The following LRMDA variants were observed in gnomAD, a reference collection of about 807,000 sequenced individuals.
LRMDA encodes the protein leucine-rich melanocyte differentiation-associated protein.
In LRMDA, 18 loss-of-function variants were observed where a neutral mutation model predicts 29.8. The observed-to-expected ratio is 0.60, with a 90% CI of 0.42 to 0.90. LRMDA has a LOEUF of 0.90. Ranked by LOEUF, LRMDA falls within the 40% of genes least tolerant of loss-of-function variation. The pLI, the probability that LRMDA is intolerant of heterozygous loss-of-function variation, is 0.00. For missense variants in LRMDA, 273 were observed against 273.9 expected, an observed-to-expected ratio of 1.00 and a Z score of 0.02; for synonymous variants, 125 against 109.4, an observed-to-expected ratio of 1.14 and a Z score of -0.89.
chr10:76,337,618 G>A (rs756035608), intron 6 of LRMDA, among the ~76,000 whole-genome samples: 2 of 152,134 alleles, frequency 1.3e-5, no homozygotes. Context: ...GGTAGATGAA[G>A]CCAGAACAAT....
At chr10:76,443,393 G>T (rs1364208955) in intron 6 of LRMDA, among the ~76,000 whole-genome samples, 2 of 152,190 alleles carry the variant, frequency 1.3e-5, no homozygotes, top group African/African-American at 4.8e-5. Context: ...ATCCGAGCTA[G>T]AGTTTGGCTG....
At chr10:75,664,387 C>A (rs1237270272) in intron 2 of LRMDA, among the ~76,000 whole-genome samples, 2 of 152,204 alleles carry the variant, frequency 1.3e-5, no homozygotes, top group East Asian at 3.8e-4. Flanking sequence ...ATATTGACTA[C>A]CAACTGTATG....
At chr10:76,475,209 T>G (rs1056783264) in intron 6 of LRMDA, among the ~76,000 whole-genome samples, 2 of 151,720 alleles carry the variant, frequency 1.3e-5, no homozygotes, top group Non-Finnish European at 3.0e-5. Context: ...TTACTGATGG[T>G]GGGCATGGGA....
intron 5 of LRMDA, among the ~76,000 whole-genome samples, chr10:76,142,388 T>C (rs1292185823): frequency 6.6e-6 from 1 of 152,162 alleles, no homozygotes; most frequent in Non-Finnish European, 1.5e-5. Context: ...ATCATTATCT[T>C]GAATTTTGTG....
intron 6 of LRMDA, among the ~76,000 whole-genome samples, chr10:76,528,460 A>C (rs1564567664): frequency 6.6e-6 from 1 of 152,306 alleles, no homozygotes; most frequent in East Asian, 1.9e-4. Context: ...AAAACATCCA[A>C]ATACTAACTG....
intron 2 of LRMDA, among the ~76,000 whole-genome samples, chr10:75,568,405 A>G (rs1369132771): frequency 1.3e-5 from 2 of 152,192 alleles, no homozygotes; most frequent in African/African-American, 4.8e-5. Flanking sequence ...ATAGGGTTGG[A>G]TTTTCAGCAG....
rs61263118 is a variant in LRMDA, at chr10:76,365,107, T to TACACACACAC, written c.601+40626_601+40635dup. On this transcript the variant is annotated intron_variant, in intron 6 of 6. Transcript: ENST00000611255. ...ACACATATATATATATATATATATA[T>TACACACACAC]ACACACACACACATACACACCACAG... Among the ~76,000 whole-genome samples, 226 of 61,258 alleles carry TACACACACAC rather than the reference T, an allele frequency of 3.7e-3. 8 individuals carry two copies. Among genetic ancestry groups the TACACACACAC allele is most frequent in the African/African-American group, 0.01 (218 of 21,528 alleles). 40.2% of individuals were successfully genotyped at this position (61,258 alleles called of 152,430 possible).
intron 2 of LRMDA, among the ~76,000 whole-genome samples, chr10:75,614,475 T>C (rs191868250): frequency 2.0e-5 from 3 of 152,274 alleles, no homozygotes; most frequent in African/African-American, 7.2e-5. Context: ...TGTTTTTTCA[T>C]GCCACAGACT....
At chr10:76,337,692 G>T (rs1044081492) in intron 6 of LRMDA, among the ~76,000 whole-genome samples, 21 of 152,070 alleles carry the variant, frequency 1.4e-4, no homozygotes, top group African/African-American at 4.6e-4. Flanking sequence ...AAATTTTAAA[G>T]AATTTATTTG....
chr10:76,430,177 C>T (rs551992507), intron 6 of LRMDA, among the ~76,000 whole-genome samples: 1 of 152,096 alleles, frequency 6.6e-6, no homozygotes, highest in Non-Finnish European at 1.5e-5. Flanking sequence ...TTTCTCCTCT[C>T]GTATTAGGCT....
intron 2 of LRMDA, among the ~76,000 whole-genome samples, chr10:75,772,869 TG>T (rs1554824987): frequency 0.06 from 2,964 of 49,790 alleles, 102 homozygotes; most frequent in African/African-American, 0.19. Context: ...GGGGGTGGGA[TG>T]GGGGGGGGCA....
chr10:76,292,674 C>T (rs1840356120), intron 5 of LRMDA, among the ~76,000 whole-genome samples: 1 of 151,936 alleles, frequency 6.6e-6, no homozygotes, highest in South Asian at 2.1e-4. Flanking sequence ...CATGATACTA[C>T]TTTATGACTC....
At chr10:75,899,768 T>C (rs1358406713) in intron 2 of LRMDA, among the ~76,000 whole-genome samples, 1 of 152,204 alleles carries the variant, frequency 6.6e-6, no homozygotes, top group African/African-American at 2.4e-5. Context: ...GTACTAGTTC[T>C]GCAGGGATGA....
intron 5 of LRMDA, among the ~76,000 whole-genome samples, chr10:76,138,030 G>A (rs1257665368): frequency 6.6e-6 from 1 of 152,118 alleles, no homozygotes; most frequent in African/African-American, 2.4e-5. Context: ...GTTGTGTATT[G>A]CCCTTTTGCA....
In LRMDA at chr10:76,497,700, C is replaced by G. The variant is rs1373394390; in HGVS notation, c.602-59509C>G. Among the ~76,000 whole-genome samples, 8 of 75,768 alleles carry G rather than the reference C, an allele frequency of 1.1e-4. 3 individuals are homozygous for G. Among genetic ancestry groups the G allele is most frequent in the African/African-American group, 2.6e-4 (8 of 31,136 alleles). The allele number at this position is 75,768 out of a possible 152,430, so 49.7% of individuals were successfully genotyped here. On this transcript the variant is annotated intron_variant, in intron 6 of 6. Coordinates refer to ENST00000611255, the MANE Select transcript of LRMDA (RefSeq NM_001305581.2). ...AGTCCTAGTGCTTTCTTAATAAAAG[C>G]TATGCATGTAAATAGGGTCAGCTTT...
chr10:75,487,652 G>A (rs527925291), intron 2 of LRMDA, among the ~76,000 whole-genome samples: 9 of 152,260 alleles, frequency 5.9e-5, no homozygotes, highest in Admixed American at 2.6e-4. Flanking sequence ...AGCAGGCAGC[G>A]CAGTAGCTAC....
At chr10:75,798,772 A>G (rs1309714160) in intron 2 of LRMDA, among the ~76,000 whole-genome samples, 1 of 151,914 alleles carries the variant, frequency 6.6e-6, no homozygotes, top group African/African-American at 2.4e-5. Flanking sequence ...TGTTTTCTAG[A>G]TATCTTTTTT....
intron 2 of LRMDA, among the ~76,000 whole-genome samples, chr10:75,505,391 G>A (rs1175907386): frequency 6.6e-6 from 1 of 152,014 alleles, no homozygotes; most frequent in Non-Finnish European, 1.5e-5. Flanking sequence ...ACATCCCAAG[G>A]GTCAGAACTG....
At chr10:75,958,109 C>T (rs1846696071) in intron 2 of LRMDA, among the ~76,000 whole-genome samples, 1 of 152,106 alleles carries the variant, frequency 6.6e-6, no homozygotes, top group Non-Finnish European at 1.5e-5. Flanking sequence ...GACAGAAATG[C>T]ATTTCCAGGG....
Sources: allele counts gnomAD v4.1 joint callset (sites outside exome capture counted in the v4.1 genomes callset), GRCh38; gene constraint gnomAD v4.1.1; transcripts MANE v1.5; gene names NCBI Gene and HGNC (gene_info 2026-07-23, HGNC 2026-07-21).